CCDC73: variants seen among roughly 807,000 people sequenced by gnomAD.
CCDC73 encodes coiled-coil domain containing 73.
A neutral mutation model predicts 116.5 loss-of-function variants in CCDC73; 95 were observed. The ratio of observed to expected loss-of-function variants is 0.82; its 90% CI spans 0.69 to 0.97. The LOEUF is 0.97. CCDC73 is among the 50% of genes least tolerant of loss of function. CCDC73 has a pLI of 0.00. For synonymous variants in CCDC73, 398 were observed against 401.3 expected (o/e 0.99, Z 0.10); for missense variants, 1,066 against 1,206.8 (o/e 0.88, Z 1.73).
the CCDC73 span, among the ~76,000 whole-genome samples, chr11:32,825,969 C>T: frequency 6.6e-6 from 1 of 152,180 alleles, no homozygotes; most frequent in African/African-American, 2.4e-5. Context: ...ATATTTTAAA[C>T]ATGACACGTA....
At chr11:32,755,509 G>C (rs1490605570) in intron 2 of CCDC73, among the ~76,000 whole-genome samples, 6 of 137,810 alleles carry the variant, frequency 4.4e-5, no homozygotes, top group Non-Finnish European at 9.2e-5. Flanking sequence ...ACTCCAGCCT[G>C]GGTGACAAAG....
At chr11:32,740,869 G>A (rs1293472556) in intron 2 of CCDC73, among the ~76,000 whole-genome samples, 1 of 151,682 alleles carries the variant, frequency 6.6e-6, no homozygotes. Flanking sequence ...TTGGTATGTT[G>A]TGTTTCCATT....
At chr11:32,616,910 T>C (rs532991254) in intron 14 of CCDC73, among the ~76,000 whole-genome samples, 1 of 152,246 alleles carries the variant, frequency 6.6e-6, no homozygotes, top group African/African-American at 2.4e-5. Context: ...AATAGTCCTG[T>C]CCCTGCTTTT....
At chr11:32,786,239 CTTTATT>C (rs1850625192) in intron 1 of CCDC73, among the ~76,000 whole-genome samples, 2 of 151,108 alleles carry the variant, frequency 1.3e-5, no homozygotes, top group Non-Finnish European at 3.0e-5. Context: ...CTTACTGAAT[CTTTATT>C]TTTAACATTT....
intron 2 of CCDC73, among the ~76,000 whole-genome samples, chr11:32,733,300 A>G (rs1414394775): frequency 2.0e-5 from 3 of 152,180 alleles, no homozygotes; most frequent in Non-Finnish European, 4.4e-5. Context: ...AGAGACTTAG[A>G]CTCCCACACA....
At chr11:32,747,919 C>G (rs932000530) in intron 2 of CCDC73, among the ~76,000 whole-genome samples, 7 of 152,226 alleles carry the variant, frequency 4.6e-5, no homozygotes, top group Admixed American at 1.3e-4. Context: ...GGCGACACCC[C>G]GCTCTGCTTC....
At chr11:32,620,597 C>T (rs778392011) in intron 14 of CCDC73, among the ~76,000 whole-genome samples, 2 of 108,748 alleles carry the variant, frequency 1.8e-5, no homozygotes, top group Non-Finnish European at 3.4e-5. Context: ...GGCCACAGAG[C>T]GAGACTCAGT....
chr11:32,803,015 T>C, the CCDC73 span, among the ~76,000 whole-genome samples: 1 of 152,070 alleles, frequency 6.6e-6, no homozygotes, highest in Non-Finnish European at 1.5e-5. Flanking sequence ...CTTCAAGTGA[T>C]CTGCCAGCCT....
At chr11:32,657,054 C>T (rs768965550) in intron 9 of CCDC73, among the ~76,000 whole-genome samples, 11 of 152,002 alleles carry the variant, frequency 7.2e-5, no homozygotes, top group Non-Finnish European at 1.5e-4. Flanking sequence ...ATGACTCAAT[C>T]CTAAGAAAAA....
chr11:32,796,439 A>C (rs1850728553), upstream of CCDC73, among the ~76,000 whole-genome samples: 1 of 152,226 alleles, frequency 6.6e-6, no homozygotes, highest in Admixed American at 6.5e-5. Flanking sequence ...TTTTACATAC[A>C]TCATCTCATC....
chr11:32,655,874 CAATT>C (rs961149946), intron 9 of CCDC73, among the ~76,000 whole-genome samples: 4 of 152,064 alleles, frequency 2.6e-5, no homozygotes, highest in Non-Finnish European at 2.9e-5. Context: ...TAGCAGATAC[CAATT>C]AAACACATTA....
At chr11:32,739,307 T>G (rs11500262) in intron 2 of CCDC73, among the ~76,000 whole-genome samples, 1,571 of 152,276 alleles carry the variant, frequency 0.01, 26 homozygotes, top group African/African-American at 0.036. Flanking sequence ...TGAACAATAT[T>G]GATTCTTCCA....
At chr11:32,826,667 A>C in the CCDC73 span, among the ~76,000 whole-genome samples, 1 of 151,590 alleles carries the variant, frequency 6.6e-6, no homozygotes, top group Non-Finnish European at 1.5e-5. Flanking sequence ...AAACAAAAAA[A>C]AAAACCCAGA....
At chr11:32,811,079 A>AC in the CCDC73 span, among the ~76,000 whole-genome samples, 20,404 of 127,100 alleles carry the variant, frequency 0.16, 1,440 homozygotes, top group African/African-American at 0.22. Context: ...AACAACAACA[A>AC]AAAAAAAAAA....
intron 9 of CCDC73, among the ~76,000 whole-genome samples, chr11:32,659,432 A>T (rs1855902117): frequency 1.3e-5 from 2 of 152,222 alleles, no homozygotes; most frequent in South Asian, 4.1e-4. Flanking sequence ...CACTGAAACA[A>T]AGACTTTGAG....
chr11:32,666,979 C>T (rs1040468881), intron 9 of CCDC73, among the ~76,000 whole-genome samples: 3 of 152,180 alleles, frequency 2.0e-5, no homozygotes, highest in African/African-American at 4.8e-5. Flanking sequence ...CCGTGAATAT[C>T]GCTCAACAGC....
chr11:32,616,006 C>T lies in CCDC73; in HGVS notation c.1309G>A (p.Asp437Asn), dbSNP rs376980873. Reference protein sequence around the residue: ...REENMENFCSDTEYREKEEKK... With the variant: ...REENMENFCSNTEYREKEEKK... ...TCTTCTTTTTCTCTGTATTCAGTAT[C>T]TGAACAAAAATTCTCCATATTTTCT... Residue 437 changes from aspartate to asparagine, a missense_variant, in exon 15 of 18, where the codon GAT becomes AAT. By Grantham distance (23) the Asp-to-Asn change is conservative. Transcript: ENST00000335185. 5.6e-5 allele frequency: 89 copies of T among 1,601,346 alleles called. No homozygotes were observed. Among genetic ancestry groups the T allele is most frequent in the Non-Finnish European group, 7.3e-5 (86 of 1,173,110 alleles).
chr11:32,817,565 A>G, the CCDC73 span, among the ~76,000 whole-genome samples: 21 of 152,292 alleles, frequency 1.4e-4, 1 homozygote, highest in South Asian at 4.4e-3. Context: ...CATTCACTAC[A>G]TCAATTCATT....
chr11:32,737,612 T>C (rs1010462134), intron 2 of CCDC73, among the ~76,000 whole-genome samples: 1 of 133,502 alleles, frequency 7.5e-6, no homozygotes, highest in African/African-American at 3.2e-5. Flanking sequence ...AGCAAGACTG[T>C]GTCTCAAAAA....
Sources: allele counts gnomAD v4.1 joint callset (sites outside exome capture counted in the v4.1 genomes callset), GRCh38; gene constraint gnomAD v4.1.1; transcripts MANE v1.5; gene names NCBI Gene and HGNC (gene_info 2026-07-23, HGNC 2026-07-21).